The following NEGR1 variants were observed in gnomAD, a reference collection of about 807,000 sequenced individuals.
NEGR1 encodes IgLON family member 4.
A neutral mutation model predicts 40.9 loss-of-function variants in NEGR1; 10 were observed. The observed-to-expected ratio is 0.24, with a 90% CI of 0.15 to 0.42. The LOEUF (loss-of-function observed/expected upper bound fraction) is 0.42. Ranked by LOEUF, NEGR1 falls within the 10% of genes least tolerant of loss-of-function variation. The pLI is 1.00. For missense variants in NEGR1, 352 were observed against 438.9 expected (o/e 0.80, Z 1.77); for synonymous variants, 185 against 166.8 (o/e 1.11, Z -0.84).
intron 2 of NEGR1, among the ~76,000 whole-genome samples, chr1:71,798,478 A>C (rs372563052): frequency 1.2e-4 from 19 of 152,202 alleles, no homozygotes; most frequent in African/African-American, 4.6e-4. Context: ...ATAAATAATA[A>C]CTAGCATTAA....
chr1:72,057,927 C>A (rs1647126711), intron 1 of NEGR1, among the ~76,000 whole-genome samples: 1 of 151,452 alleles, frequency 6.6e-6, no homozygotes, highest in South Asian at 2.1e-4. Flanking sequence ...TCCTAAAAGC[C>A]CTATCCGCAA....
intron 2 of NEGR1, among the ~76,000 whole-genome samples, chr1:71,914,283 A>G (rs1358646075): frequency 6.6e-6 from 1 of 152,202 alleles, no homozygotes; most frequent in Non-Finnish European, 1.5e-5. Context: ...TTCTCTATAG[A>G]CAGAATTTGT....
intron 4 of NEGR1, among the ~76,000 whole-genome samples, chr1:71,668,705 C>T (rs181555554): frequency 1.3e-5 from 2 of 151,854 alleles, no homozygotes; most frequent in East Asian, 3.9e-4. Flanking sequence ...TCCTGGAAAC[C>T]CAGGAAAAGA....
chr1:72,152,778 A>G (rs1464402441), intron 1 of NEGR1, among the ~76,000 whole-genome samples: 4 of 152,018 alleles, frequency 2.6e-5, no homozygotes, highest in Non-Finnish European at 5.9e-5. Flanking sequence ...TACACCATGG[A>G]ATACAACCAT....
At chr1:72,255,901 T>C (rs1212331378) in intron 1 of NEGR1, among the ~76,000 whole-genome samples, 1 of 152,218 alleles carries the variant, frequency 6.6e-6, no homozygotes, top group Non-Finnish European at 1.5e-5. Context: ...TAGAAAACAT[T>C]ACATTTGCTC....
chr1:72,111,832 T>C (rs1186426496), intron 1 of NEGR1, among the ~76,000 whole-genome samples: 1 of 151,810 alleles, frequency 6.6e-6, no homozygotes, highest in Non-Finnish European at 1.5e-5. Context: ...GCAAAGATGA[T>C]TGTCCAATTT....
In NEGR1 at chr1:71,403,735, T is replaced by C; in HGVS notation, c.*3711A>G. On this transcript the variant is annotated 3_prime_UTR_variant, in exon 7 of 7. Transcript: ENST00000357731. Reference sequence around the variant, plus strand: ...AGTTTTAAAATGAGTCAAATACATATTTTAATTGATAAACTGAGTTTATAT... The same window carrying C: ...AGTTTTAAAATGAGTCAAATACATACTTTAATTGATAAACTGAGTTTATAT... 2.8e-6 allele frequency: 1 copy of C among 352,436 alleles called. No individual in the cohort carries two copies. The highest frequency in any genetic ancestry group is 5.2e-6 in the Non-Finnish European group (1 of 193,634). 21.8% of individuals were successfully genotyped at this position (352,436 alleles called of 1,614,324 possible).
rs1235442778 is a variant in NEGR1 at position 72,255,591 on chromosome 1, C to T, written c.176+26728G>A. 3.5e-5 allele frequency among the ~76,000 whole-genome samples: 5 copies of T among 144,152 alleles called. No individual in the cohort carries two copies. The East Asian group carries it at 1.0e-3, about 29-fold the overall frequency. The allele number at this position is 144,152 out of a possible 152,430, so 94.6% of individuals were successfully genotyped here. The stretch of plus-strand genomic sequence containing the variant: ...TGAGATGGAGTCTTGCTCTGTTTGC[C>T]CAGGCTGGAGTGCAGTGGCATGATC... On this transcript the variant is annotated intron_variant, in intron 1 of 6. Coordinates refer to ENST00000357731, the MANE Select transcript of NEGR1 (RefSeq NM_173808.3).
At chr1:72,196,043 C>T (rs918983815) in intron 1 of NEGR1, among the ~76,000 whole-genome samples, 1 of 151,846 alleles carries the variant, frequency 6.6e-6, no homozygotes, top group African/African-American at 2.4e-5. Flanking sequence ...AATCTATGCA[C>T]AATCTTTAAA....
chr1:72,064,513 C>T (rs1295757410), intron 1 of NEGR1, among the ~76,000 whole-genome samples: 1 of 152,022 alleles, frequency 6.6e-6, no homozygotes, highest in Non-Finnish European at 1.5e-5. Context: ...ACACAGTGGC[C>T]CTGAGCACCA....
At chr1:71,993,625 A>G (rs1430672052) in intron 1 of NEGR1, among the ~76,000 whole-genome samples, 1 of 152,206 alleles carries the variant, frequency 6.6e-6, no homozygotes, top group Non-Finnish European at 1.5e-5. Context: ...TAATAGTGAC[A>G]ATGATAATAG....
At chr1:72,146,986 T>G (rs1650934776) in intron 1 of NEGR1, among the ~76,000 whole-genome samples, 1 of 152,208 alleles carries the variant, frequency 6.6e-6, no homozygotes, top group African/African-American at 2.4e-5. Context: ...TTCATTGACC[T>G]ACATACACTT....
intron 3 of NEGR1, among the ~76,000 whole-genome samples, chr1:71,724,798 G>T (rs1425632079): frequency 6.6e-6 from 1 of 152,020 alleles, no homozygotes; most frequent in Non-Finnish European, 1.5e-5. Flanking sequence ...AATACCCTCA[G>T]CATCTCTCCC....
intron 6 of NEGR1, among the ~76,000 whole-genome samples, chr1:71,509,733 A>T (rs1647060313): frequency 6.6e-6 from 1 of 152,186 alleles, no homozygotes; most frequent in African/African-American, 2.4e-5. Context: ...CCTGAAACCA[A>T]ATAGCTGCTG....
intron 3 of NEGR1, among the ~76,000 whole-genome samples, chr1:71,705,035 T>C (rs1055693923): frequency 6.6e-6 from 1 of 151,610 alleles, no homozygotes; most frequent in African/African-American, 2.4e-5. Flanking sequence ...ATGCAGATAA[T>C]TCATTGAAAA....
chr1:71,971,183 T>C (rs1372448484), intron 1 of NEGR1, among the ~76,000 whole-genome samples: 1 of 152,206 alleles, frequency 6.6e-6, no homozygotes, highest in East Asian at 1.9e-4. Flanking sequence ...GAACCAAGAA[T>C]GGTATTTTTC....
chr1:72,086,550 C>A (rs1648228374), intron 1 of NEGR1, among the ~76,000 whole-genome samples: 2 of 152,156 alleles, frequency 1.3e-5, no homozygotes, highest in Admixed American at 6.5e-5. Context: ...ACTTTGTTTA[C>A]CACATGAACT....
chr1:72,026,354 G>T (rs1646809687), intron 1 of NEGR1, among the ~76,000 whole-genome samples: 1 of 148,468 alleles, frequency 6.7e-6, no homozygotes, highest in Non-Finnish European at 1.5e-5. Context: ...TAAAACCCTT[G>T]TCTCTACTTC....
chr1:71,613,329 G>C (rs1372318635), intron 4 of NEGR1, among the ~76,000 whole-genome samples: 5 of 152,098 alleles, frequency 3.3e-5, no homozygotes, highest in African/African-American at 1.2e-4. Flanking sequence ...TATTGACTGA[G>C]ATGAAAAGGA....
Sources: gnomAD v4.1 joint callset for allele counts (sites outside exome capture counted in the v4.1 genomes callset) on GRCh38, gnomAD v4.1.1 for gene constraint, MANE v1.5 for transcripts, NCBI Gene and HGNC (gene_info 2026-07-23, HGNC 2026-07-21) for gene names.